KLHL41: variants seen among roughly 807,000 people sequenced by gnomAD.
KLHL41 encodes the protein kelch like family member 41.
Under a neutral mutation model 49.2 loss-of-function variants are expected in KLHL41, and 31 were observed. The ratio of observed to expected loss-of-function variants is 0.63; its 90% CI spans 0.47 to 0.85. The LOEUF (loss-of-function observed/expected upper bound fraction) is 0.85, where lower values mean the gene tolerates loss of function less well. Ranked by LOEUF, KLHL41 falls within the 40% of genes least tolerant of loss-of-function variation. KLHL41 has a pLI of 0.00. For missense variants in KLHL41, 663 were observed against 726.7 expected (o/e 0.91, Z 1.01); for synonymous variants, 218 against 258.5 (o/e 0.84, Z 1.50).
At chr2:169,513,522 G>T (rs1684062852) in intron 1 of KLHL41, among the ~76,000 whole-genome samples, 2 of 152,178 alleles carry the variant, frequency 1.3e-5, no homozygotes, top group Admixed American at 1.3e-4. Flanking sequence ...TGCACATGTG[G>T]AGATTAAACT....
chr2:169,523,652 C>T (rs1559132895), intron 5 of KLHL41, among the ~76,000 whole-genome samples: 1 of 152,278 alleles, frequency 6.6e-6, no homozygotes, highest in East Asian at 1.9e-4. Context: ...AGGACCTAGG[C>T]ATCAGTATCT....
chr2:169,512,129 T>C (rs962026579), intron 1 of KLHL41, among the ~76,000 whole-genome samples: 12 of 152,234 alleles, frequency 7.9e-5, no homozygotes, highest in Admixed American at 2.0e-4. Flanking sequence ...CAAAATACTA[T>C]TATACCTTTA....
chr2:169,510,483 T>A lies in KLHL41; in HGVS notation c.705T>A (p.His235Gln), dbSNP rs1684013927. The stretch of plus-strand genomic sequence containing the variant: ...TGACAGAAAAATATTTTAAGGATCA[T>A]GTTGAGAAAGATGATATAATTAAAA... ...RLMTEKYFKD[H>Q]VEKDDIIKSN... Residue 235 changes from histidine to glutamine, a missense_variant, in exon 1 of 6, where the codon CAT (histidine) becomes CAA (glutamine). Transcript: ENST00000284669. The surrounding 1 kb of genome is among the most constrained non-coding windows in gnomAD (Gnocchi z 4.2). The A allele has an allele frequency of 6.2e-7, 1 of 1,613,942 alleles. No homozygotes were observed. Among genetic ancestry groups the A allele is most frequent in the Non-Finnish European group, 8.5e-7 (1 of 1,179,960 alleles).
Position 169,509,853 on chromosome 2 carries a change from TCTC to T in KLHL41, c.78_80del (p.Leu27del). 2 of 1,614,006 alleles carry T rather than the reference TCTC, an allele frequency of 1.2e-6. No individual in the cohort carries two copies. The highest frequency in any genetic ancestry group is 1.7e-6 in the Non-Finnish European group (2 of 1,179,980). The stretch of plus-strand genomic sequence containing the variant: ...CCCTTCTTCAGGATGGTCTAAAAGA[TCTC>T]CTGGATGAGAAAAAATTCATCGATT... On this transcript the variant is annotated inframe_deletion, in exon 1 of 6. Transcript: ENST00000284669.
At chr2:169,519,362 GAAAATTACAAGGAACTTT>G (rs1339384221) in intron 4 of KLHL41, among the ~76,000 whole-genome samples, 4 of 152,066 alleles carry the variant, frequency 2.6e-5, no homozygotes, top group Admixed American at 6.6e-5. Flanking sequence ...TTTAGTATCT[GAAAATTACAAGGAACTTT>G]TGTGGAACAC....
intron 1 of KLHL41, among the ~76,000 whole-genome samples, chr2:169,513,349 G>A (rs949820542): frequency 6.6e-6 from 1 of 152,152 alleles, no homozygotes; most frequent in African/African-American, 2.4e-5. Context: ...CCTGTGTAAA[G>A]CATTTAGTTC....
chr2:169,510,891 A>G lies in KLHL41; in HGVS notation c.1110+3A>G. ...CTCTACAGTCATACTTCTTCCAGGT[A>G]AGAAGGACTTTTTGTATATGTAGTT... On this transcript the variant is annotated splice_donor_region_variant and intron_variant, in intron 1 of 5. Coordinates refer to ENST00000284669, the MANE Select transcript of KLHL41 (RefSeq NM_006063.3). This position sits in a 1 kb window ranked among gnomAD's most constrained non-coding sequence, Gnocchi z 4.2. 2 of 1,609,328 alleles carry G rather than the reference A, an allele frequency of 1.2e-6. No homozygotes were observed. The highest frequency in any genetic ancestry group is 1.7e-6 in the Non-Finnish European group (2 of 1,177,208).
intron 5 of KLHL41, among the ~76,000 whole-genome samples, chr2:169,521,295 G>A (rs1684199834): frequency 1.3e-5 from 2 of 152,232 alleles, no homozygotes; most frequent in African/African-American, 4.8e-5. Context: ...AGCTCTAAGA[G>A]TATAATGCTA....
intron 3 of KLHL41, among the ~76,000 whole-genome samples, chr2:169,516,918 G>A (rs968911183): frequency 6.0e-4 from 92 of 152,336 alleles, no homozygotes; most frequent in African/African-American, 1.9e-3. Context: ...CTACTAGGGA[G>A]GCTGAGGCAG....
chr2:169,521,838 T>C (rs1166863997), intron 5 of KLHL41, among the ~76,000 whole-genome samples: 2 of 152,188 alleles, frequency 1.3e-5, no homozygotes, highest in Admixed American at 6.5e-5. Context: ...CCATTTTACC[T>C]GCCTGGAGGT....
At position 169,518,372 on chromosome 2, in the gene KLHL41, ATAAG is replaced by A. The variant is rs1364684686; in HGVS notation, c.1561_1562+2del. 34 of 1,607,152 alleles carry A rather than the reference ATAAG, an allele frequency of 2.1e-5. No homozygotes were observed. Among genetic ancestry groups the A allele is most frequent in the Non-Finnish European group, 2.8e-5 (33 of 1,176,022 alleles). On this transcript the variant is annotated splice_donor_variant and coding_sequence_variant, in exon 4 of 6. Transcript: ENST00000284669. LOFTEE classifies it high-confidence loss of function. ...GTTGAAGCTTTTGACCTTACAACAA[ATAAG>A]TGAGTTGCCACATCTTAGTATATAG...
In KLHL41 at chr2:169,514,643, G is replaced by A. The variant is rs1490619422; in HGVS notation, c.1180G>A (p.Gly394Arg). 6.2e-7 allele frequency: 1 copy of A among 1,613,916 alleles called. No homozygotes were observed. The change falls in exon 2 of 6, where the codon GGA becomes AGA. Residue 394 changes from glycine (G) to arginine (R), a missense_variant. Physicochemically the swap from Gly to Arg is moderately radical, Grantham distance 125. This residue lies in a region of KLHL41 where 528 missense variants were observed against 581.0 expected (regional missense o/e 0.91). Transcript: ENST00000284669. Reference protein sequence around the residue: ...LPSARCLFGLGEVDDKIYVVA... With the variant: ...LPSARCLFGLREVDDKIYVVA... ...TTCAGCCAGGTGTCTCTTCGGTCTGGGAGAGGTGGATGATAAAATCTATGT... is the reference window on the plus strand; with the variant it reads ...TTCAGCCAGGTGTCTCTTCGGTCTGAGAGAGGTGGATGATAAAATCTATGT...
intron 3 of KLHL41, 70 bp downstream of exon 3, chr2:169,515,031 T>C (rs1045436206): frequency 3.2e-6 from 3 of 931,762 alleles, no homozygotes; most frequent in African/African-American, 3.7e-5. Flanking sequence ...TCCTCTTTTC[T>C]TTTCTTTTTT....
At chr2:169,514,453 A>T (rs1684076204) in intron 1 of KLHL41, 121 bp from the exon 2 acceptor site, 1 of 679,380 alleles carries the variant, frequency 1.5e-6, no homozygotes, top group Non-Finnish European at 2.4e-6. Flanking sequence ...AGTTTTATTT[A>T]CTTGTGAGAT....
At chr2:169,515,335 T>C (rs1684100948) in intron 3 of KLHL41, among the ~76,000 whole-genome samples, 1 of 152,118 alleles carries the variant, frequency 6.6e-6, no homozygotes, top group Non-Finnish European at 1.5e-5. Flanking sequence ...GCCCGGTCTC[T>C]TCCTCTTTTC....
intron 3 of KLHL41, 42 bp from the exon 4 acceptor site, chr2:169,518,147 CA>C: frequency 7.4e-6 from 11 of 1,477,994 alleles, no homozygotes; most frequent in South Asian, 3.7e-5. Flanking sequence ...AAGGTGCTGT[CA>C]AAAAAAGGTT....
intron 1 of KLHL41, among the ~76,000 whole-genome samples, chr2:169,511,995 G>C (rs936212691): frequency 9.9e-5 from 15 of 152,146 alleles, no homozygotes; most frequent in Admixed American, 2.0e-4. Context: ...GTTTGTTTAG[G>C]TCATAGCTAA....
intron 3 of KLHL41, among the ~76,000 whole-genome samples, chr2:169,516,549 T>C (rs746711187): frequency 6.6e-6 from 1 of 152,200 alleles, no homozygotes; most frequent in Non-Finnish European, 1.5e-5. Context: ...ACAGGAACCC[T>C]GCCAAATGAT....
chr2:169,524,586 C>T (rs1469754386), intron 5 of KLHL41, among the ~76,000 whole-genome samples: 1 of 151,888 alleles, frequency 6.6e-6, no homozygotes, highest in East Asian at 1.9e-4. Flanking sequence ...TTAGTAGAGA[C>T]GGGGTTTTGC....
Sources: allele counts gnomAD v4.1 joint callset (sites outside exome capture counted in the v4.1 genomes callset), GRCh38; gene constraint gnomAD v4.1.1; regional missense constraint gnomAD v4.1.1; non-coding constraint Gnocchi (gnomAD v3.1); transcripts MANE v1.5; gene names NCBI Gene and HGNC (gene_info 2026-07-23, HGNC 2026-07-21).